PRPF18: variants seen among roughly 807,000 people sequenced by gnomAD.
PRPF18 encodes pre-mRNA-splicing factor 18.
A neutral mutation model predicts 46.5 loss-of-function variants in PRPF18; 38 were observed. That is an observed-to-expected ratio of 0.82 (90% confidence interval 0.63 to 1.07). PRPF18 has a LOEUF of 1.07. Among genes scored for constraint, PRPF18 ranks in the 50% least tolerant of loss-of-function variants. The pLI, the probability that PRPF18 is intolerant of heterozygous loss-of-function variation, is 0.00. For missense variants in PRPF18, 263 were observed against 410.0 expected, an observed-to-expected ratio of 0.64 and a Z score of 3.10; for synonymous variants, 152 against 146.7, an observed-to-expected ratio of 1.04 and a Z score of -0.26.
chr10:13,596,582 T>C (rs939446728), intron 1 of PRPF18, among the ~76,000 whole-genome samples: 3 of 152,226 alleles, frequency 2.0e-5, no homozygotes, highest in Admixed American at 6.5e-5. Context: ...AAAGCCATCT[T>C]TGGAATAATA....
At chr10:13,650,162 G>A in the PRPF18 span, among the ~76,000 whole-genome samples, 1 of 152,230 alleles carries the variant, frequency 6.6e-6, no homozygotes, top group South Asian at 2.1e-4. Flanking sequence ...GTTTATAACT[G>A]CTTGGCATAG....
At position 13,610,133 on chromosome 10, in the gene PRPF18, C is replaced by T. The variant is rs776859190; in HGVS notation, c.458C>T (p.Thr153Ile). Residue 153 changes from threonine to isoleucine, a missense_variant, in exon 5 of 10, where the codon ACA becomes ATA. Transcript: ENST00000378572. ...VGGQEPGEED[T>I]QNDLKVHEEN... is the part of the protein sequence containing the mutation. ...GGTCAGGAGCCTGGAGAGGAAGACA[C>T]ACAGAATGATCTGAAAGTTCATGAG... The T allele has an allele frequency of 3.1e-6, 5 of 1,613,988 alleles. No homozygotes were observed. The highest frequency in any genetic ancestry group is 2.5e-6 in the Non-Finnish European group (3 of 1,179,990).
intron 6 of PRPF18, 133 bp downstream of exon 6, chr10:13,611,816 A>G: frequency 5.9e-6 from 4 of 681,432 alleles, no homozygotes; most frequent in Non-Finnish European, 1.0e-5. Flanking sequence ...CATGATGTTT[A>G]TGATATCACT....
chr10:13,610,246 G>T, intron 5 of PRPF18, 61 bp downstream of exon 5: 1 of 1,545,770 alleles, frequency 6.5e-7, no homozygotes, highest in South Asian at 1.2e-5. Context: ...TGGAGCAGAT[G>T]ACTGAGTCGG....
At chr10:13,642,624 A>G in the PRPF18 span, 4 of 152,364 alleles carry the variant, frequency 2.6e-5, no homozygotes, top group South Asian at 8.3e-4. Flanking sequence ...GGATCTTCCT[A>G]TCTACCAGTT....
chr10:13,607,656 C>G (rs547398248), intron 4 of PRPF18, among the ~76,000 whole-genome samples: 1 of 152,178 alleles, frequency 6.6e-6, no homozygotes, highest in Admixed American at 6.5e-5. Context: ...AGGGATCCTC[C>G]CGCCTTGGCC....
chr10:13,637,781 A>G, the PRPF18 span: 1 of 152,264 alleles, frequency 6.6e-6, no homozygotes, highest in Non-Finnish European at 1.5e-5. Flanking sequence ...TGATGTCATC[A>G]TAGTGGCATG....
chr10:13,589,395 C>A (rs969342161), intron 1 of PRPF18, among the ~76,000 whole-genome samples: 1 of 152,180 alleles, frequency 6.6e-6, no homozygotes, highest in Non-Finnish European at 1.5e-5. Context: ...ATGCATCTTT[C>A]CTGTTTTGTC....
intron 1 of PRPF18, chr10:13,591,511 C>A: frequency 1.4e-6 from 1 of 709,600 alleles, no homozygotes; most frequent in Non-Finnish European, 2.6e-6. Context: ...ACACAGATCG[C>A]AGGTAGTCCT....
intron 4 of PRPF18, among the ~76,000 whole-genome samples, chr10:13,609,803 C>T (rs1156317848): frequency 6.6e-6 from 1 of 152,112 alleles, no homozygotes; most frequent in East Asian, 1.9e-4. Context: ...TTTTTCTGAC[C>T]AGCAGACTGG....
At position 13,605,628 on chromosome 10, in the gene PRPF18, T is replaced by C; in HGVS notation, c.250-3T>C. On this transcript the variant is annotated splice_polypyrimidine_tract_variant and splice_region_variant and intron_variant, in intron 3 of 9. Transcript: ENST00000378572. The stretch of plus-strand genomic sequence containing the variant: ...TTTACTGGGTATCTGTTTCACTTTG[T>C]AGGTCATCAGAAGATTGAGAGAAAG... 1 of 1,585,014 alleles carries C rather than the reference T, an allele frequency of 6.3e-7. No homozygotes were observed. Among genetic ancestry groups the C allele is most frequent in the Non-Finnish European group, 8.6e-7 (1 of 1,169,462 alleles).
intron 8 of PRPF18, among the ~76,000 whole-genome samples, 187 bp from the exon 9 acceptor site, chr10:13,616,211 G>C (rs2080339430): frequency 6.6e-6 from 1 of 152,152 alleles, no homozygotes; most frequent in Non-Finnish European, 1.5e-5. Flanking sequence ...TGGTGGTCCT[G>C]GGCAGGGCAG....
chr10:13,614,136 T>C (rs763271168), intron 8 of PRPF18, 50 bp downstream of exon 8: 8 of 1,338,400 alleles, frequency 6.0e-6, no homozygotes, highest in African/African-American at 1.5e-5. Flanking sequence ...ATCTAGGTTA[T>C]GTACGTAATA....
At chr10:13,602,631 G>A (rs2502209) in intron 3 of PRPF18, among the ~76,000 whole-genome samples, 101,287 of 151,536 alleles carry the variant, frequency 0.67, 35,112 homozygotes, top group East Asian at 0.84. Context: ...TATAGAAAAT[G>A]TAATTTTCTT....
intron 4 of PRPF18, among the ~76,000 whole-genome samples, chr10:13,606,351 T>A (rs2080184210): frequency 2.0e-5 from 3 of 152,230 alleles, no homozygotes; most frequent in Non-Finnish European, 4.4e-5. Flanking sequence ...TCATCCATGT[T>A]ATTGCAGATA....
chr10:13,595,757 CTG>C (rs1468690622), intron 1 of PRPF18, among the ~76,000 whole-genome samples: 2 of 152,132 alleles, frequency 1.3e-5, no homozygotes, highest in African/African-American at 4.8e-5. Flanking sequence ...TTCCGTAAAA[CTG>C]TGCTTGTTGT....
intron 9 of PRPF18, among the ~76,000 whole-genome samples, chr10:13,621,237 T>C (rs1030204578): frequency 1.3e-4 from 20 of 152,222 alleles, no homozygotes; most frequent in Admixed American, 1.0e-3. Context: ...TTATCCTTCC[T>C]CACTGTGTTC....
intron 4 of PRPF18, among the ~76,000 whole-genome samples, chr10:13,609,537 T>C (rs2502205): frequency 0.8 from 122,435 of 152,136 alleles, 49,377 homozygotes; most frequent in East Asian, 0.85. Context: ...ATGAACCATA[T>C]GTGCATAAAA....
intron 9 of PRPF18, among the ~76,000 whole-genome samples, chr10:13,619,090 C>G (rs2080388536): frequency 6.6e-6 from 1 of 152,210 alleles, no homozygotes; most frequent in Admixed American, 6.5e-5. Flanking sequence ...AGGGTTTGCG[C>G]TCCTGTGAGA....
Sources: gnomAD v4.1 joint callset for allele counts (sites outside exome capture counted in the v4.1 genomes callset) on GRCh38, gnomAD v4.1.1 for gene constraint, MANE v1.5 for transcripts, NCBI Gene and HGNC (gene_info 2026-07-23, HGNC 2026-07-21) for gene names.